The following GDI2 variants were observed in gnomAD, a reference collection of about 807,000 sequenced individuals.
GDI2 encodes the protein GDP dissociation inhibitor 2.
A neutral mutation model predicts 54.2 loss-of-function variants in GDI2; 22 were observed. The observed-to-expected ratio is 0.41, with a 90% CI of 0.29 to 0.58. The LOEUF (loss-of-function observed/expected upper bound fraction) is 0.58, where lower values mean the gene tolerates loss of function less well. GDI2 is among the 20% of genes least tolerant of loss of function. GDI2 has a pLI of 0.35. For synonymous variants in GDI2, 177 were observed against 182.1 expected (o/e 0.97, Z 0.23); for missense variants, 422 against 546.0 (o/e 0.77, Z 2.26).
In GDI2 at chr10:5,774,919, G is replaced by A. The variant is rs1374914129; in HGVS notation, c.720-978C>T. On this transcript the variant is annotated intron_variant, in intron 6 of 10. Transcript: ENST00000380191. This position sits in a 1 kb window ranked among gnomAD's most constrained non-coding sequence, Gnocchi z 4.8. Reference sequence around the variant, plus strand: ...GGGGAAGGGCAAGGGCAAGGGCAAGGCCAAGGGAAGGGTTGACCAGTAATA... The same window carrying A: ...GGGGAAGGGCAAGGGCAAGGGCAAGACCAAGGGAAGGGTTGACCAGTAATA... Among the ~76,000 whole-genome samples the A allele has an allele frequency of 1.3e-5, 2 of 152,166 alleles. No homozygotes were observed. The highest frequency in any genetic ancestry group is 4.8e-5 in the African/African-American group (2 of 41,420).
intron 1 of GDI2, among the ~76,000 whole-genome samples, chr10:5,810,496 G>A (rs955640645): frequency 9.2e-5 from 14 of 152,178 alleles, no homozygotes; most frequent in African/African-American, 3.4e-4. Context: ...AAGATAGAGG[G>A]AAAAAATATG....
chr10:5,772,991 T>C (rs1840530038), intron 7 of GDI2, among the ~76,000 whole-genome samples: 1 of 152,110 alleles, frequency 6.6e-6, no homozygotes, highest in South Asian at 2.1e-4. Context: ...TTAGGATCCT[T>C]GTAAGGAATA....
chr10:5,797,543 C>CAAAA lies in GDI2; in HGVS notation c.154-685_154-682dup, dbSNP rs772570487. On this transcript the variant is annotated intron_variant, in intron 2 of 10. Transcript: ENST00000380191. ...CTAGTGACAGAGTGAGACTCCATCT[C>CAAAA]AAAAAAAAAAAAAAAAAAAAAAAAA... Among the ~76,000 whole-genome samples, 6 of 45,348 alleles carry CAAAA rather than the reference C, an allele frequency of 1.3e-4. 1 individual carries two copies. The highest frequency in any genetic ancestry group is 2.8e-4 in the African/African-American group (3 of 10,642). 29.8% of individuals were successfully genotyped at this position (45,348 alleles called of 152,430 possible). A position where few individuals can be genotyped will look rare whatever the true frequency, so the allele number is the denominator to read the frequency against.
chr10:5,803,247 C>T (rs992057167), intron 1 of GDI2, among the ~76,000 whole-genome samples: 2 of 152,146 alleles, frequency 1.3e-5, no homozygotes, highest in African/African-American at 4.8e-5. Flanking sequence ...CAGGGCAAAA[C>T]CCTATCTCTG....
At chr10:5,770,068 C>G (rs954751012) in intron 7 of GDI2, among the ~76,000 whole-genome samples, 1 of 152,190 alleles carries the variant, frequency 6.6e-6, no homozygotes, top group African/African-American at 2.4e-5. Context: ...GAAATTCTGA[C>G]ACATGCTACA....
intron 7 of GDI2, among the ~76,000 whole-genome samples, chr10:5,771,635 C>T (rs75341511): frequency 0.026 from 3,738 of 146,504 alleles, 139 homozygotes; most frequent in Admixed American, 0.12. Flanking sequence ...GACTAAAATC[C>T]TTATCATCTT....
At chr10:5,799,089 C>T (rs2131712921) in intron 2 of GDI2, among the ~76,000 whole-genome samples, 1 of 152,222 alleles carries the variant, frequency 6.6e-6, no homozygotes, top group South Asian at 2.1e-4. Context: ...CACCTATAAT[C>T]CCAACACTTT....
intron 1 of GDI2, among the ~76,000 whole-genome samples, chr10:5,809,750 G>T (rs992580276): frequency 2.0e-5 from 3 of 152,178 alleles, no homozygotes; most frequent in Non-Finnish European, 4.4e-5. Flanking sequence ...TCCAGTAAGA[G>T]TCTCCAATCA....
intron 7 of GDI2, among the ~76,000 whole-genome samples, chr10:5,770,140 T>G (rs1429192086): frequency 2.0e-5 from 3 of 152,232 alleles, no homozygotes; most frequent in Admixed American, 6.5e-5. Flanking sequence ...AGGCAAATAC[T>G]ATATTATTCC....
chr10:5,771,096 T>G (rs1213176837), intron 7 of GDI2, among the ~76,000 whole-genome samples: 1 of 152,088 alleles, frequency 6.6e-6, no homozygotes, highest in Non-Finnish European at 1.5e-5. Flanking sequence ...AATTTTCCCT[T>G]GAATATAATC....
rs1007679677 is a variant in GDI2 at position 5,813,041 on chromosome 10, G to C, written c.45+173C>G. ...CACTGGGAGCCGCCCGCTCGCCCCG[G>C]GACGCGGGGCGCCCCTGAACCCGCC... On this transcript the variant is annotated intron_variant, in intron 1 of 10. Coordinates refer to ENST00000380191, the MANE Select transcript of GDI2 (RefSeq NM_001494.4). Among the ~76,000 whole-genome samples, 60 of 152,124 alleles carry C rather than the reference G, an allele frequency of 3.9e-4. 2 individuals carry two copies. The highest frequency in any genetic ancestry group is 2.9e-5 in the Non-Finnish European group (2 of 67,986).
chr10:5,793,485 T>A (rs554195430), intron 4 of GDI2, among the ~76,000 whole-genome samples: 8 of 152,370 alleles, frequency 5.3e-5, no homozygotes, highest in Admixed American at 1.3e-4. Context: ...CTAGCCCTGA[T>A]TCTTTGCAGT....
intron 1 of GDI2, among the ~76,000 whole-genome samples, chr10:5,812,618 A>G (rs1841500305): frequency 1.3e-5 from 2 of 152,236 alleles, no homozygotes; most frequent in African/African-American, 4.8e-5. Flanking sequence ...GGATTCAATA[A>G]TACTTCTCAT....
intron 6 of GDI2, among the ~76,000 whole-genome samples, chr10:5,782,289 T>C (rs1840776389): frequency 6.6e-6 from 1 of 152,188 alleles, no homozygotes; most frequent in Non-Finnish European, 1.5e-5. Context: ...TCACACCCAC[T>C]TGGGCAATTA....
intron 6 of GDI2, among the ~76,000 whole-genome samples, chr10:5,778,499 C>T (rs1034476186): frequency 1.3e-5 from 2 of 152,220 alleles, no homozygotes; most frequent in Non-Finnish European, 2.9e-5. Context: ...GTGTGCCACA[C>T]TTTGCACTAC....
In GDI2 at chr10:5,787,284, C is replaced by T. The variant is rs147239687; in HGVS notation, c.389-1234G>A. On this transcript the variant is annotated intron_variant, in intron 4 of 10. Coordinates refer to ENST00000380191, the MANE Select transcript of GDI2 (RefSeq NM_001494.4). ...CTTTGGAAGGCTGAGGAGGGTGGAT[C>T]GCTTGAGGTCAGGAGTTCAAGACCA... is the stretch of plus-strand genomic sequence containing the variant. 6.5e-3 allele frequency among the ~76,000 whole-genome samples: 988 copies of T among 152,280 alleles called. 8 individuals are homozygous for T. The highest frequency in any genetic ancestry group is 0.021 in the African/African-American group (880 of 41,574).
At chr10:5,778,602 T>C (rs984501507) in intron 6 of GDI2, among the ~76,000 whole-genome samples, 3 of 152,184 alleles carry the variant, frequency 2.0e-5, no homozygotes, top group Non-Finnish European at 2.9e-5. Flanking sequence ...TTTAAACAAA[T>C]TACCAGTTTA....
chr10:5,803,159 TC>T (rs1474242905), intron 1 of GDI2, among the ~76,000 whole-genome samples: 4 of 152,192 alleles, frequency 2.6e-5, no homozygotes, highest in Non-Finnish European at 5.9e-5. Flanking sequence ...TTGATAGTCT[TC>T]TCACAATTTT....
chr10:5,808,466 G>A (rs563487294), intron 1 of GDI2, among the ~76,000 whole-genome samples: 1 of 152,210 alleles, frequency 6.6e-6, no homozygotes, highest in East Asian at 1.9e-4. Context: ...CTGAGGTCAG[G>A]AGTTCAAAAC....
Sources: allele counts gnomAD v4.1 joint callset (sites outside exome capture counted in the v4.1 genomes callset), GRCh38; gene constraint gnomAD v4.1.1; non-coding constraint Gnocchi (gnomAD v3.1); transcripts MANE v1.5; gene names NCBI Gene and HGNC (gene_info 2026-07-23, HGNC 2026-07-21).